CFAP46: variants seen among roughly 807,000 people sequenced by gnomAD.
The protein encoded by CFAP46 is cilia- and flagella-associated protein 46.
Under a neutral mutation model 325.7 loss-of-function variants are expected in CFAP46, and 245 were observed. The ratio of observed to expected loss-of-function variants is 0.75; its 90% CI spans 0.68 to 0.84. The LOEUF is 0.84. Among genes scored for constraint, CFAP46 ranks in the 40% least tolerant of loss-of-function variants. CFAP46 has a pLI of 0.00. For synonymous variants in CFAP46, 1,523 were observed against 1,495.9 expected, an observed-to-expected ratio of 1.02 and a Z score of -0.42; for missense variants, 3,346 against 3,543.0, an observed-to-expected ratio of 0.94 and a Z score of 1.41.
chr10:132,907,546 T>C (rs928576084), intron 22 of CFAP46, among the ~76,000 whole-genome samples: 2 of 152,258 alleles, frequency 1.3e-5, no homozygotes, highest in Non-Finnish European at 2.9e-5. Context: ...TATTTTCAAA[T>C]TTAATTAGCG....
chr10:132,810,887 G>A lies in CFAP46; in HGVS notation c.7583+63C>T, dbSNP rs565607371. 21 of 1,459,144 alleles carry A rather than the reference G, an allele frequency of 1.4e-5. No homozygotes were observed. The African/African-American group carries it at 1.7e-4, about 12-fold the overall frequency. The allele number at this position is 1,459,144 out of a possible 1,614,324, so 90.4% of individuals were successfully genotyped here. Reference sequence around the variant, plus strand: ...GTCCCTCCTCCCTTGTGGGTCCCACGCCCGTCTGTCTGACCTCTCCATCCT... The same window carrying A: ...GTCCCTCCTCCCTTGTGGGTCCCACACCCGTCTGTCTGACCTCTCCATCCT... On this transcript the variant is annotated intron_variant, in intron 56 of 57. Transcript: ENST00000368586.
At chr10:132,922,008 G>T in intron 13 of CFAP46, 96 bp downstream of exon 13, 1 of 1,407,134 alleles carries the variant, frequency 7.1e-7, no homozygotes, top group South Asian at 1.4e-5. Context: ...AGGGGGCGGT[G>T]GCAGGGAGCA....
chr10:132,821,295 G>GTGTGAGTGCTGA (rs1565035160), intron 50 of CFAP46, among the ~76,000 whole-genome samples: 19 of 137,790 alleles, frequency 1.4e-4, no homozygotes, highest in African/African-American at 4.8e-4. Context: ...GATGTGTGCT[G>GTGTGAGTGCTGA]TGTGTGCTGT....
chr10:132,914,031 C>T (rs11812331), intron 17 of CFAP46, among the ~76,000 whole-genome samples: 36,876 of 124,472 alleles, frequency 0.3, 5,789 homozygotes, highest in Admixed American at 0.41. Flanking sequence ...GCCCCCGCCC[C>T]GAGGCTGTGT....
In CFAP46 at chr10:132,908,642, T is replaced by C. The variant is rs1247005750; in HGVS notation, c.2758-8A>G. The C allele has an allele frequency of 3.3e-6, 5 of 1,528,132 alleles. No homozygotes were observed. The highest frequency in any genetic ancestry group is 2.8e-5 in the African/African-American group (2 of 72,436). The allele number at this position is 1,528,132 out of a possible 1,614,324, so 94.7% of individuals were successfully genotyped here. ...GGAAGCCATTTTCACCAACTTCCGGTGGGTGGCAAGAGAAGGGGCACCGTG... is the reference window on the plus strand; with the variant it reads ...GGAAGCCATTTTCACCAACTTCCGGCGGGTGGCAAGAGAAGGGGCACCGTG... On this transcript the variant is annotated splice_region_variant and splice_polypyrimidine_tract_variant and intron_variant, in intron 21 of 57. Transcript: ENST00000368586.
intron 10 of CFAP46, 129 bp downstream of exon 10, chr10:132,926,439 G>T: frequency 1.5e-6 from 1 of 687,004 alleles, no homozygotes; most frequent in South Asian, 1.7e-5. Flanking sequence ...ACGGGAGCCA[G>T]GGCGAGTCTA....
intron 47 of CFAP46, 28 bp downstream of exon 47, chr10:132,835,276 G>A: frequency 6.2e-7 from 1 of 1,609,604 alleles, no homozygotes; most frequent in Middle Eastern, 1.7e-4. Flanking sequence ...GGTCCCGGCT[G>A]GGTGGCTTGG....
At position 132,919,142 on chromosome 10, in the gene CFAP46, G is replaced by A. The variant is rs544391599; in HGVS notation, c.1858+173C>T. On this transcript the variant is annotated intron_variant, in intron 15 of 57. Coordinates refer to ENST00000368586, the MANE Select transcript of CFAP46 (RefSeq NM_001200049.3). This position sits in a 1 kb window ranked among gnomAD's most constrained non-coding sequence, Gnocchi z 9.7. Reference sequence around the variant, plus strand: ...GCCGACACAGCCAGATGTGGCCGCCGCCCCATGATTGGCGGTCCTGATAAT... The same window carrying A: ...GCCGACACAGCCAGATGTGGCCGCCACCCCATGATTGGCGGTCCTGATAAT... 5.9e-5 allele frequency among the ~76,000 whole-genome samples: 9 copies of A among 152,278 alleles called. No individual in the cohort carries two copies. Among genetic ancestry groups the A allele is most frequent in the Admixed American group, 3.3e-4 (5 of 15,306 alleles).
intron 37 of CFAP46, 43 bp downstream of exon 37, chr10:132,860,374 A>C (rs1369945607): frequency 6.8e-7 from 1 of 1,463,546 alleles, no homozygotes; most frequent in Non-Finnish European, 9.4e-7. Flanking sequence ...AGAGGAAACC[A>C]CAGCTTTCAC....
chr10:132,898,892 G>T, intron 24 of CFAP46, 67 bp downstream of exon 24: 1 of 1,524,180 alleles, frequency 6.6e-7, no homozygotes, highest in Non-Finnish European at 8.9e-7. Context: ...GAGTCTCTCC[G>T]GTCCTTTCTG....
rs116060285 is a variant in CFAP46 at position 132,856,817 on chromosome 10, G to A, written c.5574+773C>T. ...CTTTTCTATACGGCAATATTTTATC[G>A]GTTGCCAGACATTTGGGCTTTGTCT... On this transcript the variant is annotated intron_variant, in intron 39 of 57. Transcript: ENST00000368586. Among the ~76,000 whole-genome samples, 81 of 152,190 alleles carry A rather than the reference G, an allele frequency of 5.3e-4. 1 individual carries two copies. The highest frequency in any genetic ancestry group is 1.8e-3 in the African/African-American group (74 of 41,508).
chr10:132,879,797 G>A (rs1849012075), intron 28 of CFAP46, among the ~76,000 whole-genome samples, 166 bp from the exon 29 acceptor site: 1 of 152,164 alleles, frequency 6.6e-6, no homozygotes, highest in Non-Finnish European at 1.5e-5. Context: ...GTCACGTGTT[G>A]TACTTACTCT....
At position 132,922,534 on chromosome 10, in the gene CFAP46, C is replaced by T. The variant is rs1410512774; in HGVS notation, c.1431G>A (p.Thr477=). The change falls in exon 12 of 58, where the codon ACG becomes ACA. Residue 477 remains threonine, a synonymous_variant. Coordinates refer to ENST00000368586, the MANE Select transcript of CFAP46 (RefSeq NM_001200049.3). ...MASTRLRLCT[T]LYQAPERAED... ...CTGCGCGCTCAGGGGCCTGGTATAG[C>T]GTGGTGCACAGACGCAGCCGGGTGG... 4 of 1,547,558 alleles carry T rather than the reference C, an allele frequency of 2.6e-6. No individual in the cohort carries two copies. Among genetic ancestry groups the T allele is most frequent in the Admixed American group, 2.0e-5 (1 of 51,000 alleles).
chr10:132,934,251 A>ATCCCCCCCCCCCCCCCCCC (rs1849957526), intron 8 of CFAP46, among the ~76,000 whole-genome samples: 1 of 143,722 alleles, frequency 7.0e-6, no homozygotes, highest in Non-Finnish European at 1.5e-5. Flanking sequence ...GCAGGGGACA[A>ATCCCCCCCCCCCCCCCCCC]ACCCCCCCAC....
At position 132,847,388 on chromosome 10, in the gene CFAP46, A is replaced by C; in HGVS notation, c.5953-67T>G. On this transcript the variant is annotated intron_variant, in intron 41 of 57. Coordinates refer to ENST00000368586, the MANE Select transcript of CFAP46 (RefSeq NM_001200049.3). This position sits in a 1 kb window ranked among gnomAD's most constrained non-coding sequence, Gnocchi z 5.2. ...TGCTTGGTCGGCGTGGGGAGGGCCC[A>C]CCCAGGGAGGCCGGGGTGGTCGGGC... is the stretch of plus-strand genomic sequence containing the variant. The C allele has an allele frequency of 2.5e-6, 4 of 1,591,700 alleles. No homozygotes were observed. Among genetic ancestry groups the C allele is most frequent in the Non-Finnish European group, 3.4e-6 (4 of 1,165,818 alleles).
chr10:132,912,965 G>T (rs1849577049), intron 18 of CFAP46, 81 bp downstream of exon 18: 1 of 1,502,660 alleles, frequency 6.7e-7, no homozygotes, highest in Admixed American at 2.0e-5. Flanking sequence ...GGGCCATGGA[G>T]TGCAGCTGCC....
Position 132,814,929 on chromosome 10 carries a change from A to G in CFAP46, c.7118-15T>C, listed in dbSNP as rs1847664304. ...CACGCCACCTTCTGTTGAAGACAAGAAAGAGGCAGGGATGTTTGGCAGCAG... is the reference window on the plus strand; with the variant it reads ...CACGCCACCTTCTGTTGAAGACAAGGAAGAGGCAGGGATGTTTGGCAGCAG... On this transcript the variant is annotated splice_polypyrimidine_tract_variant and intron_variant, in intron 50 of 57. Coordinates refer to ENST00000368586, the MANE Select transcript of CFAP46 (RefSeq NM_001200049.3). 1.2e-6 allele frequency: 2 copies of G among 1,613,826 alleles called. No homozygotes were observed. Among genetic ancestry groups the G allele is most frequent in the African/African-American group, 1.3e-5 (1 of 74,910 alleles).
chr10:132,866,304 C>T (rs973371864), intron 34 of CFAP46, 133 bp from the exon 35 acceptor site: 2 of 1,007,680 alleles, frequency 2.0e-6, no homozygotes, highest in Admixed American at 3.9e-5. Context: ...CCCTGCTGGC[C>T]TAGGCACCAT....
intron 22 of CFAP46, among the ~76,000 whole-genome samples, chr10:132,905,556 T>C (rs1055353271): frequency 1.3e-5 from 2 of 152,086 alleles, no homozygotes; most frequent in African/African-American, 4.8e-5. Context: ...TCCTTTTGTC[T>C]AAAATGGCTT....
Sources: allele counts gnomAD v4.1 joint callset (sites outside exome capture counted in the v4.1 genomes callset), GRCh38; gene constraint gnomAD v4.1.1; non-coding constraint Gnocchi (gnomAD v3.1); transcripts MANE v1.5; gene names NCBI Gene and HGNC (gene_info 2026-07-23, HGNC 2026-07-21).